The following DOCK6 variants were observed in gnomAD, a reference collection of about 807,000 sequenced individuals.
DOCK6 encodes dedicator of cytokinesis 6, also known as dedicator of cytokinesis protein 6.
Under a neutral mutation model 230.3 loss-of-function variants are expected in DOCK6, and 167 were observed. The observed-to-expected ratio is 0.73, with a 90% CI of 0.64 to 0.82. The LOEUF is 0.82. Among genes scored for constraint, DOCK6 ranks in the 40% least tolerant of loss-of-function variants. The probability of loss-of-function intolerance (pLI) is 0.00; values close to 1 mark genes in which losing one functional copy is unlikely to be tolerated. For synonymous variants in DOCK6, 1,148 were observed against 1,185.0 expected (o/e 0.97, Z 0.64); for missense variants, 2,598 against 2,825.8 (o/e 0.92, Z 1.83).
rs1244297151 is a variant in DOCK6, at chr19:11,237,635, G to A, written c.1971+6C>T. The A allele has an allele frequency of 6.3e-7, 1 of 1,593,502 alleles. No homozygotes were observed. The highest frequency in any genetic ancestry group is 8.5e-7 in the Non-Finnish European group (1 of 1,170,726). On this transcript the variant is annotated splice_donor_region_variant and intron_variant, in intron 17 of 47. Coordinates refer to ENST00000294618, the MANE Select transcript of DOCK6 (RefSeq NM_020812.4). The stretch of plus-strand genomic sequence containing the variant: ...CTCAGGGGGAGGGAGGGAGGGGACG[G>A]CTCACAGTAAAGCCCACGGGTGTCT...
In DOCK6 at chr19:11,236,403, C is replaced by T. The variant is rs373914831; in HGVS notation, c.2335G>A (p.Val779Met). 11 of 1,587,444 alleles carry T rather than the reference C, an allele frequency of 6.9e-6. No individual in the cohort carries two copies. The Admixed American group carries it at 7.1e-5, about 10-fold the overall frequency. ...PEPLVAFSHH[V>M]LDKLVRLVIR... is the part of the protein sequence containing the mutation. Reference sequence around the variant, plus strand: ...ACCAGACGCACGAGCTTGTCCAGCACGTGGTGGGAGAAGGCCACAAGGGGT... The same window carrying T: ...ACCAGACGCACGAGCTTGTCCAGCATGTGGTGGGAGAAGGCCACAAGGGGT... The change falls in exon 20 of 48, where the codon GTG becomes ATG. Residue 779 changes from valine (V) to methionine (M), a missense_variant. Coordinates refer to ENST00000294618, the MANE Select transcript of DOCK6 (RefSeq NM_020812.4). The surrounding 1 kb of genome is among the most constrained non-coding windows in gnomAD (Gnocchi z 5.2).
rs1427836022 is a variant in DOCK6 at position 11,243,928 on chromosome 19, C to T, written c.1024-46G>A. On this transcript the variant is annotated intron_variant, in intron 9 of 47. Coordinates refer to ENST00000294618, the MANE Select transcript of DOCK6 (RefSeq NM_020812.4). This position sits in a 1 kb window ranked among gnomAD's most constrained non-coding sequence, Gnocchi z 6.3. ...TCCAGTGAGGCGCTGCCCGAACGCT[C>T]TGTTCCCCCGTGCTGGCTCCCCAGC... The T allele has an allele frequency of 5.1e-6, 8 of 1,565,138 alleles. No individual in the cohort carries two copies. The African/African-American group carries it at 1.1e-4, about 21-fold the overall frequency.
Position 11,211,791 on chromosome 19 carries a change from A to G in DOCK6, c.4736T>C (p.Ile1579Thr), listed in dbSNP as rs2079390588. The change falls in exon 37 of 48, where the codon ATC becomes ACC. Residue 1579 changes from isoleucine (I) to threonine (T), a missense_variant. Coordinates refer to ENST00000294618, the MANE Select transcript of DOCK6 (RefSeq NM_020812.4). ...KEHQEDPEMLIDLMYRIARGY... is the reference protein window; with the variant it reads ...KEHQEDPEMLTDLMYRIARGY... ...CCCACCTCACCTGTACATGAGGTCG[A>G]TGAGCATCTCAGGGTCCTCCTGGTG... 6.4e-7 allele frequency: 1 copy of G among 1,551,370 alleles called. No homozygotes were observed. Among genetic ancestry groups the G allele is most frequent in the Non-Finnish European group, 8.7e-7 (1 of 1,146,760 alleles).
intron 23 of DOCK6, among the ~76,000 whole-genome samples, 185 bp from the exon 24 acceptor site, chr19:11,227,662 G>A (rs1338499250): frequency 1.3e-5 from 2 of 151,712 alleles, no homozygotes; most frequent in East Asian, 3.9e-4. Context: ...GAGGTGGGCT[G>A]AAGGTAGGTT....
chr19:11,201,759 C>T lies in DOCK6; in HGVS notation c.5688+130G>A, dbSNP rs561324677. On this transcript the variant is annotated intron_variant, in intron 44 of 47. Coordinates refer to ENST00000294618, the MANE Select transcript of DOCK6 (RefSeq NM_020812.4). This position sits in a 1 kb window ranked among gnomAD's most constrained non-coding sequence, Gnocchi z 4.3. ...GGGATCTGGTCTAGGGTCCCTGTGC[C>T]ACCCCTCTCTGGGTCTGAGGTCCGT... The T allele has an allele frequency of 7.9e-5, 68 of 859,176 alleles. No homozygotes were observed. Among genetic ancestry groups the T allele is most frequent in the African/African-American group, 7.8e-4 (47 of 59,896 alleles). The allele number at this position is 859,176 out of a possible 1,614,324, so 53.2% of individuals were successfully genotyped here.
At chr19:11,237,966 C>T in intron 16 of DOCK6, 79 bp downstream of exon 16, 1 of 1,516,864 alleles carries the variant, frequency 6.6e-7, no homozygotes, top group Non-Finnish European at 9.0e-7. Flanking sequence ...CCCATCGATG[C>T]TGCCTTATGT....
Position 11,202,111 on chromosome 19 carries a change from G to C in DOCK6, c.5466C>G (p.Ile1822Met). The change falls in exon 44 of 48, where the codon ATC becomes ATG. Residue 1822 changes from isoleucine to methionine, a missense_variant. Transcript: ENST00000294618. This position sits in a 1 kb window ranked among gnomAD's most constrained non-coding sequence, Gnocchi z 5.3. ...KLDSQKAYIQ[I>M]TYVEPYFDTY... Reference sequence around the variant, plus strand: ...TATCAAAGTACGGTTCCACATACGTGATCTGGATGTAGGCCTGGGCGCAGG... The same window carrying C: ...TATCAAAGTACGGTTCCACATACGTCATCTGGATGTAGGCCTGGGCGCAGG... 2 of 1,613,990 alleles carry C rather than the reference G, an allele frequency of 1.2e-6. No individual in the cohort carries two copies. The highest frequency in any genetic ancestry group is 1.3e-5 in the African/African-American group (1 of 75,060).
intron 24 of DOCK6, 50 bp downstream of exon 24, chr19:11,227,287 C>G: frequency 6.2e-7 from 1 of 1,600,370 alleles, no homozygotes; most frequent in Non-Finnish European, 8.5e-7. Context: ...CTGGCTGGCT[C>G]TATGTCCTCC....
intron 1 of DOCK6, among the ~76,000 whole-genome samples, chr19:11,257,737 C>A (rs145150099): frequency 6.6e-6 from 1 of 151,542 alleles, no homozygotes; most frequent in East Asian, 2.0e-4. Context: ...TGCAGTGAGC[C>A]GAGATTGCGC....
At chr19:11,239,410 G>A (rs115758240) in intron 14 of DOCK6, among the ~76,000 whole-genome samples, 2,462 of 152,246 alleles carry the variant, frequency 0.016, 56 homozygotes, top group African/African-American at 0.052. Flanking sequence ...TCTGGGGCCC[G>A]TCCTCTCCCA....
At position 11,221,972 on chromosome 19, in the gene DOCK6, T is replaced by G; in HGVS notation, c.3429A>C (p.Leu1143=). 6.2e-7 allele frequency: 1 copy of G among 1,613,856 alleles called. No individual in the cohort carries two copies. Among genetic ancestry groups the G allele is most frequent in the Non-Finnish European group, 8.5e-7 (1 of 1,179,888 alleles). ...KKAISAVHSL[L]CGHDTDPRYA... ...AGCGGGGGTCAGTGTCATGGCCACATAGCAGGCTGTGCACAGCACTGATGG... is the reference window on the plus strand; with the variant it reads ...AGCGGGGGTCAGTGTCATGGCCACAGAGCAGGCTGTGCACAGCACTGATGG... Residue 1143 remains leucine (L), a synonymous_variant, in exon 28 of 48, where the codon CTA becomes CTC. Transcript: ENST00000294618.
chr19:11,245,826 G>C lies in DOCK6; in HGVS notation c.859C>G (p.Arg287Gly). 1 of 1,573,572 alleles carries C rather than the reference G, an allele frequency of 6.4e-7. No individual in the cohort carries two copies. Among genetic ancestry groups the C allele is most frequent in the Non-Finnish European group, 8.6e-7 (1 of 1,159,096 alleles). Reference sequence around the variant, plus strand: ...GGGCCTCCTACCTTCTTTTTCTCCCGCACATCATACAGAGCCAAGATCCCA... The same window carrying C: ...GGGCCTCCTACCTTCTTTTTCTCCCCCACATCATACAGAGCCAAGATCCCA... Reference protein sequence around the residue: ...IFGILALYDVREKKKISENFY... With the variant: ...IFGILALYDVGEKKKISENFY... The change falls in exon 8 of 48, where the codon CGG becomes GGG. Residue 287 changes from arginine to glycine, a missense_variant. Transcript: ENST00000294618.
At position 11,243,253 on chromosome 19, in the gene DOCK6, G is replaced by A. The variant is rs1315471274; in HGVS notation, c.1386+5C>T. ...GGGAGAGTCCCTGGCCCCAGGGTAGGACACCTGCTTAAAGAAGTTTGTGAC... is the reference window on the plus strand; with the variant it reads ...GGGAGAGTCCCTGGCCCCAGGGTAGAACACCTGCTTAAAGAAGTTTGTGAC... On this transcript the variant is annotated splice_donor_5th_base_variant and intron_variant, in intron 12 of 47. Transcript: ENST00000294618. This position sits in a 1 kb window ranked among gnomAD's most constrained non-coding sequence, Gnocchi z 6.3. The A allele has an allele frequency of 1.2e-6, 2 of 1,612,728 alleles. No individual in the cohort carries two copies. The highest frequency in any genetic ancestry group is 1.7e-6 in the Non-Finnish European group (2 of 1,179,406).
Position 11,236,770 on chromosome 19 carries a change from T to C in DOCK6, c.2160+23A>G. The stretch of plus-strand genomic sequence containing the variant: ...GCAAGAGGGGAGCAGGGCGGGACTC[T>C]TGGTTCCCGGCCCACCCCGTACCTG... On this transcript the variant is annotated intron_variant, in intron 19 of 47. Transcript: ENST00000294618. This position sits in a 1 kb window ranked among gnomAD's most constrained non-coding sequence, Gnocchi z 5.2. The C allele has an allele frequency of 6.4e-7, 1 of 1,551,512 alleles. No homozygotes were observed. The highest frequency in any genetic ancestry group is 8.7e-7 in the Non-Finnish European group (1 of 1,147,146).
chr19:11,253,996 C>A (rs1036579425), intron 1 of DOCK6: 3 of 363,940 alleles, frequency 8.2e-6, no homozygotes, highest in African/African-American at 6.4e-5. Context: ...GGGCCTGTGG[C>A]CTTCCAGGTC....
rs758692332 is a variant in DOCK6, at chr19:11,200,378, G to A, written c.6031C>T (p.Arg2011Trp). 40 of 1,599,140 alleles carry A rather than the reference G, an allele frequency of 2.5e-5. No homozygotes were observed. Among genetic ancestry groups the A allele is most frequent in the Middle Eastern group, 1.7e-4 (1 of 6,022 alleles). Reference protein sequence around the residue: ...RELERNYCRLREALQPLLTQR... With the variant: ...RELERNYCRLWEALQPLLTQR... ...GTAAGCAGGGGCTGCAGAGCCTCCC[G>A]CAGGCGGCAGTAGTTGCGCTCCAGC... is the stretch of plus-strand genomic sequence containing the variant. The change falls in exon 47 of 48, where the codon CGG becomes TGG. Residue 2011 changes from arginine (R) to tryptophan (W), a missense_variant. Physicochemically the swap from Arg to Trp is moderately radical, Grantham distance 101 (BLOSUM62 -3). Coordinates refer to ENST00000294618, the MANE Select transcript of DOCK6 (RefSeq NM_020812.4). This position sits in a 1 kb window ranked among gnomAD's most constrained non-coding sequence, Gnocchi z 4.3.
At chr19:11,253,191 C>A (rs1022660372) in intron 2 of DOCK6, among the ~76,000 whole-genome samples, 1 of 152,100 alleles carries the variant, frequency 6.6e-6, no homozygotes, top group Non-Finnish European at 1.5e-5. Flanking sequence ...GGAAATCACA[C>A]CCCATGCCTG....
rs781548246 is a variant in DOCK6 at position 11,238,161 on chromosome 19, C to A, written c.1761+26G>T. 3.6e-5 allele frequency: 58 copies of A among 1,613,736 alleles called. No individual in the cohort carries two copies. Among genetic ancestry groups the A allele is most frequent in the Middle Eastern group, 1.6e-4 (1 of 6,084 alleles). On this transcript the variant is annotated intron_variant, in intron 15 of 47. Coordinates refer to ENST00000294618, the MANE Select transcript of DOCK6 (RefSeq NM_020812.4). ...GGGACCCATGGGGGATGCCCTACCC[C>A]CCTTCCCTGGGGCACAGCCACTGAC...
chr19:11,226,418 G>C (rs1163524940), intron 24 of DOCK6, among the ~76,000 whole-genome samples: 1 of 152,258 alleles, frequency 6.6e-6, no homozygotes, highest in East Asian at 1.9e-4. Flanking sequence ...CAGCACTTTG[G>C]GAGGGCAAGG....
Sources: allele counts gnomAD v4.1 joint callset (sites outside exome capture counted in the v4.1 genomes callset), GRCh38; gene constraint gnomAD v4.1.1; non-coding constraint Gnocchi (gnomAD v3.1); transcripts MANE v1.5; gene names NCBI Gene and HGNC (gene_info 2026-07-23, HGNC 2026-07-21).